TOP6BL: variants seen among roughly 807,000 people sequenced by gnomAD.
TOP6BL encodes the protein TOP6B like initiator of meiotic double strand breaks.
At chr11:66,813,928 A>G in the TOP6BL span, 3 of 1,613,604 alleles carry the variant, frequency 1.9e-6, no homozygotes, top group East Asian at 4.5e-5. Context: ...GCCGATGACT[A>G]CTTTCTTCAA....
the TOP6BL span, among the ~76,000 whole-genome samples, chr11:66,772,891 T>C: frequency 1.3e-5 from 2 of 152,238 alleles, no homozygotes; most frequent in African/African-American, 2.4e-5. Context: ...TTTGGACATA[T>C]TCTCTGTTCT....
chr11:66,764,725 C>T, the TOP6BL span, among the ~76,000 whole-genome samples: 1 of 151,252 alleles, frequency 6.6e-6, no homozygotes, highest in Non-Finnish European at 1.5e-5. Flanking sequence ...TGACTAAAAT[C>T]CCAGCACTGT....
chr11:66,828,529 A>C, the TOP6BL span: 1 of 588,868 alleles, frequency 1.7e-6, no homozygotes, highest in Non-Finnish European at 3.0e-6. Flanking sequence ...ATCTCTCAGG[A>C]ATGACTATCC....
At chr11:66,766,516 TCA>T in the TOP6BL span, among the ~76,000 whole-genome samples, 1 of 152,188 alleles carries the variant, frequency 6.6e-6, no homozygotes, top group African/African-American at 2.4e-5. Flanking sequence ...CACAAAGAAG[TCA>T]CAGGAAGTAG....
At chr11:66,766,160 T>C in the TOP6BL span, among the ~76,000 whole-genome samples, 4 of 152,246 alleles carry the variant, frequency 2.6e-5, no homozygotes, top group Non-Finnish European at 5.9e-5. Flanking sequence ...ATTATTTGGC[T>C]GATTTCTCTC....
chr11:66,770,109 C>T, the TOP6BL span, among the ~76,000 whole-genome samples: 1 of 152,066 alleles, frequency 6.6e-6, no homozygotes, highest in Non-Finnish European at 1.5e-5. Flanking sequence ...CCCTCTCCCT[C>T]CCTTGTATCC....
the TOP6BL span, among the ~76,000 whole-genome samples, chr11:66,815,043 A>T: frequency 1.3e-5 from 2 of 152,180 alleles, no homozygotes; most frequent in Non-Finnish European, 2.9e-5. Flanking sequence ...TGGCTCCTGA[A>T]GAAGACGACC....
chr11:66,745,139 C>G, the TOP6BL span, among the ~76,000 whole-genome samples: 1 of 152,096 alleles, frequency 6.6e-6, no homozygotes, highest in African/African-American at 2.4e-5. Context: ...CTCTCTCCAG[C>G]CTACGGCTCA....
the TOP6BL span, among the ~76,000 whole-genome samples, chr11:66,800,079 A>C: frequency 1.1e-4 from 16 of 151,778 alleles, no homozygotes; most frequent in Non-Finnish European, 1.9e-4. Flanking sequence ...AAAAAAAAAA[A>C]CCACAAAAAA....
At chr11:66,752,142 CTTT>C in the TOP6BL span, among the ~76,000 whole-genome samples, 10 of 137,858 alleles carry the variant, frequency 7.3e-5, no homozygotes, top group Admixed American at 2.2e-4. Flanking sequence ...CCCTCTCTCT[CTTT>C]TTTTTTTTTT....
At chr11:66,842,834 T>G in the TOP6BL span, 3 of 1,547,324 alleles carry the variant, frequency 1.9e-6, no homozygotes, top group Non-Finnish European at 2.6e-6. Flanking sequence ...ATGAAGAGGC[T>G]TGTTTTTCTC....
At chr11:66,808,807 AAG>A in the TOP6BL span, among the ~76,000 whole-genome samples, 5 of 152,212 alleles carry the variant, frequency 3.3e-5, no homozygotes, top group Admixed American at 2.0e-4. Flanking sequence ...GAAAATACAG[AAG>A]AGAGGGGTTA....
the TOP6BL span, chr11:66,843,155 C>T: frequency 3.1e-6 from 5 of 1,610,910 alleles, no homozygotes; most frequent in Admixed American, 1.7e-5. Flanking sequence ...CCCCGGGCCC[C>T]CTTGTTCCCG....
At chr11:66,758,079 T>C in the TOP6BL span, 1 of 938,976 alleles carries the variant, frequency 1.1e-6, no homozygotes, top group African/African-American at 1.8e-5. Flanking sequence ...CCTATGGCAA[T>C]GATTCTTAGA....
At chr11:66,756,492 C>G in the TOP6BL span, 1 of 1,067,176 alleles carries the variant, frequency 9.4e-7, no homozygotes, top group African/African-American at 1.7e-5. Context: ...ACCACCATGC[C>G]TGGCTAATTA....
At chr11:66,804,026 T>C in the TOP6BL span, 2 of 1,612,352 alleles carry the variant, frequency 1.2e-6, no homozygotes, top group Non-Finnish European at 1.7e-6. Flanking sequence ...TGAATCACAC[T>C]GCAGCAGAAT....
the TOP6BL span, among the ~76,000 whole-genome samples, chr11:66,798,849 G>T: frequency 6.6e-6 from 1 of 151,314 alleles, no homozygotes; most frequent in Non-Finnish European, 1.5e-5. Context: ...CGAGGTGGGT[G>T]GATCACAAGG....
At chr11:66,788,404 GC>G in the TOP6BL span, 11,551 of 653,142 alleles carry the variant, frequency 0.018, 156 homozygotes, top group South Asian at 0.039. Context: ...TCCCAAACTT[GC>G]CTGTGCAGAC....
chr11:66,764,957 G>T, the TOP6BL span, among the ~76,000 whole-genome samples: 1 of 151,202 alleles, frequency 6.6e-6, no homozygotes. Context: ...GACAGAGTGA[G>T]ATCTTGTCTC....
Sources: gnomAD v4.1 joint callset for allele counts (sites outside exome capture counted in the v4.1 genomes callset) on GRCh38, gnomAD v4.1.1 for gene constraint, MANE v1.5 for transcripts, NCBI Gene and HGNC (gene_info 2026-07-23, HGNC 2026-07-21) for gene names.